MYO18B: variants seen among roughly 807,000 people sequenced by gnomAD.
MYO18B encodes myosin XVIIIB.
In MYO18B, 204 loss-of-function variants were observed where a neutral mutation model predicts 273.0. That is an observed-to-expected ratio of 0.75 (90% CI 0.67 to 0.84). The LOEUF is 0.84. Ranked by LOEUF, MYO18B falls within the 40% of genes least tolerant of loss-of-function variation. The probability of loss-of-function intolerance (pLI) is 0.00; values close to 1 mark genes in which losing one functional copy is unlikely to be tolerated. For missense variants in MYO18B, 3,212 were observed against 3,287.6 expected (o/e 0.98, Z 0.56); for synonymous variants, 1,330 against 1,305.7 (o/e 1.02, Z -0.40).
Position 25,903,684 on chromosome 22 carries a change from C to T in MYO18B, c.5001C>T (p.Asp1667=). 1 of 1,609,898 alleles carries T rather than the reference C, an allele frequency of 6.2e-7. No individual in the cohort carries two copies. Among genetic ancestry groups the T allele is most frequent in the Non-Finnish European group, 8.5e-7 (1 of 1,178,146 alleles). ...AGCAGCAGGTGGAGATGCTACAGGA[C>T]CATAAACGGGAGCTGCTGGGGTCAC... ...QLKQQVEMLQ[D]HKRELLGSPS... The change falls in exon 31 of 44, where the codon GAC becomes GAT. Residue 1667 remains aspartate (D), a synonymous_variant. Coordinates refer to ENST00000335473, the MANE Select transcript of MYO18B (RefSeq NM_032608.7).
intron 34 of MYO18B, among the ~76,000 whole-genome samples, chr22:25,943,015 G>A (rs1350487929): frequency 6.6e-6 from 1 of 152,090 alleles, no homozygotes; most frequent in African/African-American, 2.4e-5. Flanking sequence ...GAGGACTGGC[G>A]GGATCATGCT....
chr22:25,957,423 A>G (rs2092866640), intron 39 of MYO18B, among the ~76,000 whole-genome samples: 1 of 152,258 alleles, frequency 6.6e-6, no homozygotes, highest in Non-Finnish European at 1.5e-5. Flanking sequence ...AAGAGCTTGC[A>G]TGCATGCTGA....
chr22:25,874,345 T>A lies in MYO18B; in HGVS notation c.4011T>A (p.Ser1337=). 6.2e-7 allele frequency: 1 copy of A among 1,613,968 alleles called. No homozygotes were observed. Residue 1337 remains serine, a synonymous_variant, in exon 23 of 44, where the codon TCT becomes TCA. Coordinates refer to ENST00000335473, the MANE Select transcript of MYO18B (RefSeq NM_032608.7). ...AGAAGCAGCGAGAGAAGCTGGTATC[T>A]CAGAGCATCGTTCTCTTCCAGGCGG... ...RLEKQREKLV[S]QSIVLFQAAC...
chr22:26,049,665 C>G, the MYO18B span, among the ~76,000 whole-genome samples: 1 of 152,184 alleles, frequency 6.6e-6, no homozygotes, highest in South Asian at 2.1e-4. Context: ...CTGGGAGATA[C>G]TAATAACTAT....
intron 28 of MYO18B, chr22:25,897,413 C>T (rs897098918): frequency 6.6e-6 from 1 of 152,164 alleles, no homozygotes; most frequent in African/African-American, 2.4e-5. Context: ...TCAAGGTGAA[C>T]ATTGCATCGT....
In MYO18B at chr22:25,950,451, G is replaced by A. The variant is rs1467473320; in HGVS notation, c.5832+1G>A. On this transcript the variant is annotated splice_donor_variant, in intron 37 of 43. Coordinates refer to ENST00000335473, the MANE Select transcript of MYO18B (RefSeq NM_032608.7). LOFTEE classifies it high-confidence loss of function. Reference sequence around the variant, plus strand: ...GGAGAAGCACAAGCTACAAGAACAAGTATGTGCTCAGAGCCATCCTATAGT... The same window carrying A: ...GGAGAAGCACAAGCTACAAGAACAAATATGTGCTCAGAGCCATCCTATAGT... 4 of 1,597,726 alleles carry A rather than the reference G, an allele frequency of 2.5e-6. No homozygotes were observed. Among genetic ancestry groups the A allele is most frequent in the Non-Finnish European group, 3.4e-6 (4 of 1,172,170 alleles).
At chr22:25,846,076 T>A (rs1200612288) in intron 18 of MYO18B, 24 bp from the exon 19 acceptor site, 3 of 1,493,452 alleles carry the variant, frequency 2.0e-6, no homozygotes, top group South Asian at 2.7e-5. Context: ...AAAGCTCCTC[T>A]CTCTTTTCCC....
At chr22:25,788,887 G>C (rs1016911187) in intron 11 of MYO18B, among the ~76,000 whole-genome samples, 4 of 152,164 alleles carry the variant, frequency 2.6e-5, no homozygotes, top group Non-Finnish European at 4.4e-5. Flanking sequence ...TTAAGCAAGT[G>C]ACCTCATCTC....
At chr22:25,933,140 C>T (rs1000462664) in intron 34 of MYO18B, among the ~76,000 whole-genome samples, 1 of 152,014 alleles carries the variant, frequency 6.6e-6, no homozygotes, top group African/African-American at 2.4e-5. Context: ...GTAGAATGTT[C>T]CTCAATTTTG....
chr22:25,801,766 G>A (rs2088205718), intron 12 of MYO18B, among the ~76,000 whole-genome samples: 1 of 152,152 alleles, frequency 6.6e-6, no homozygotes, highest in East Asian at 1.9e-4. Context: ...CCTTAGAACA[G>A]CCTGGGAGGG....
chr22:25,794,721 G>GTT (rs1261934985), intron 11 of MYO18B, among the ~76,000 whole-genome samples: 4 of 148,728 alleles, frequency 2.7e-5, no homozygotes, highest in Non-Finnish European at 5.9e-5. Context: ...AGCCAGGATG[G>GTT]TCACGATCTC....
the MYO18B span, among the ~76,000 whole-genome samples, chr22:26,046,056 C>T: frequency 6.6e-6 from 1 of 152,206 alleles, no homozygotes; most frequent in African/African-American, 2.4e-5. Context: ...CCTGACTCTG[C>T]TAGGCAACCC....
At chr22:26,007,293 T>A (rs1934510728) in intron 42 of MYO18B, among the ~76,000 whole-genome samples, 1 of 152,182 alleles carries the variant, frequency 6.6e-6, no homozygotes, top group Non-Finnish European at 1.5e-5. Context: ...ATTAATTGTA[T>A]TTGGTCACAG....
At chr22:25,815,279 C>G (rs769387668) in intron 12 of MYO18B, among the ~76,000 whole-genome samples, 1 of 152,208 alleles carries the variant, frequency 6.6e-6, no homozygotes, top group African/African-American at 2.4e-5. Context: ...TGGTCCTGGA[C>G]TCTACCTTGC....
chr22:26,027,378 A>G lies in MYO18B; in HGVS notation c.7404A>G (p.Ser2468=). Residue 2468 remains serine (S), a synonymous_variant, in exon 43 of 44, where the codon TCA becomes TCG. Coordinates refer to ENST00000335473, the MANE Select transcript of MYO18B (RefSeq NM_032608.7). This position sits in a 1 kb window ranked among gnomAD's most constrained non-coding sequence, Gnocchi z 4.1. The part of the protein sequence containing the change: ...AGSAKGGQDG[S]QRSSIHFETE... ...CAGCCAAAGGTGGGCAAGACGGTTC[A>G]CAGCGTTCAAGCATCCACTTTGAAA... 1 of 1,613,994 alleles carries G rather than the reference A, an allele frequency of 6.2e-7. No homozygotes were observed. The highest frequency in any genetic ancestry group is 2.2e-5 in the East Asian group (1 of 44,872).
At chr22:25,867,181 A>G (rs548642892) in intron 21 of MYO18B, among the ~76,000 whole-genome samples, 1 of 151,772 alleles carries the variant, frequency 6.6e-6, no homozygotes, top group Non-Finnish European at 1.5e-5. Context: ...CAGTTCAGTG[A>G]CAGTATATTC....
At position 25,828,981 on chromosome 22, in the gene MYO18B, T is replaced by A. The variant is rs747753185; in HGVS notation, c.2979+13T>A. ...GCGATATCAAGAGGTATGCCTGGGC[T>A]GGAGCAGGGCTTTCACCAGAGCTCC... On this transcript the variant is annotated intron_variant, in intron 15 of 43. Coordinates refer to ENST00000335473, the MANE Select transcript of MYO18B (RefSeq NM_032608.7). The A allele has an allele frequency of 1.2e-6, 2 of 1,613,288 alleles. No individual in the cohort carries two copies. The highest frequency in any genetic ancestry group is 2.2e-5 in the South Asian group (2 of 91,020).
At chr22:25,874,714 C>T (rs745577790) in intron 23 of MYO18B, among the ~76,000 whole-genome samples, 5 of 152,204 alleles carry the variant, frequency 3.3e-5, no homozygotes, top group Non-Finnish European at 7.3e-5. Flanking sequence ...GCAGACAGGG[C>T]ATGACCAGGG....
At position 25,785,467 on chromosome 22, in the gene MYO18B, C is replaced by T. The variant is rs2087342998; in HGVS notation, c.2352C>T (p.Ser784=). 1 of 1,612,374 alleles carries T rather than the reference C, an allele frequency of 6.2e-7. No individual in the cohort carries two copies. The highest frequency in any genetic ancestry group is 1.1e-5 in the South Asian group (1 of 90,436). ...TGCACCAGATGGCAGATAGCAGCTC[C>T]TTTGGCATGGGCGTGTGGTCCAAGG... ...LNLHQMADSS[S]FGMGVWSKPE... Residue 784 remains serine (S), a synonymous_variant, in exon 11 of 44, where the codon TCC becomes TCT. Coordinates refer to ENST00000335473, the MANE Select transcript of MYO18B (RefSeq NM_032608.7).
Sources: allele counts gnomAD v4.1 joint callset (sites outside exome capture counted in the v4.1 genomes callset), GRCh38; gene constraint gnomAD v4.1.1; non-coding constraint Gnocchi (gnomAD v3.1); transcripts MANE v1.5; gene names NCBI Gene and HGNC (gene_info 2026-07-23, HGNC 2026-07-21).